ERC2: variants seen among roughly 807,000 people sequenced by gnomAD.
ERC2 encodes ELKS/RAB6-interacting/CAST family member 2, also known as ERC protein 2.
Under a neutral mutation model 114.8 loss-of-function variants are expected in ERC2, and 42 were observed. That is an observed-to-expected ratio of 0.37 (90% CI 0.29 to 0.47). The LOEUF is 0.47. Ranked by LOEUF, ERC2 falls within the 20% of genes least tolerant of loss-of-function variation. The pLI is 0.99. For missense variants in ERC2, 939 were observed against 1,150.7 expected (o/e 0.82, Z 2.66); for synonymous variants, 454 against 425.5 (o/e 1.07, Z -0.82).
chr3:55,539,415 C>CTTT lies in ERC2; in HGVS notation c.*40-28142_*40-28140dup, dbSNP rs58749389. Among the ~76,000 whole-genome samples the CTTT allele has an allele frequency of 4.7e-3, 183 of 39,100 alleles. 5 individuals carry two copies. The highest frequency in any genetic ancestry group is 7.2e-3 in the African/African-American group (83 of 11,528). 25.7% of individuals were successfully genotyped at this position (39,100 alleles called of 152,430 possible). On this transcript the variant is annotated intron_variant, in intron 17 of 17. Transcript: ENST00000288221. ...TCTCTCTCTCTCTCTTTTTTTCTTTCTTTTTTTTTTTTTTTTTTTTTTTTT... is the reference window on the plus strand; with the variant it reads ...TCTCTCTCTCTCTCTTTTTTTCTTTCTTTTTTTTTTTTTTTTTTTTTTTTTTTT...
chr3:55,562,334 G>T (rs1403146077), intron 17 of ERC2, among the ~76,000 whole-genome samples: 1 of 151,978 alleles, frequency 6.6e-6, no homozygotes, highest in African/African-American at 2.4e-5. Context: ...TGTATTTTTA[G>T]TAGAGACGGG....
At chr3:56,326,050 T>C (rs1331883526) in intron 2 of ERC2, among the ~76,000 whole-genome samples, 1 of 152,226 alleles carries the variant, frequency 6.6e-6, no homozygotes, top group Non-Finnish European at 1.5e-5. Flanking sequence ...CTCACTCTCC[T>C]TCTTCTAGCG....
chr3:56,350,516 G>A (rs2058510881), intron 2 of ERC2, among the ~76,000 whole-genome samples: 1 of 152,044 alleles, frequency 6.6e-6, no homozygotes, highest in South Asian at 2.1e-4. Flanking sequence ...GGAAATTCCA[G>A]TATGAAGACA....
At chr3:56,348,947 GGAAGGAAGGAAAGAAAGAAA>G in intron 2 of ERC2, among the ~76,000 whole-genome samples, 6 of 78,022 alleles carry the variant, frequency 7.7e-5, no homozygotes, top group East Asian at 6.1e-4. Context: ...AAGGAAGGAA[GGAAGGAAGGAAAGAAAGAAA>G]GAAGGAAAGA....
chr3:56,021,892 A>G (rs909649456), intron 7 of ERC2, among the ~76,000 whole-genome samples: 1 of 152,242 alleles, frequency 6.6e-6, no homozygotes, highest in Non-Finnish European at 1.5e-5. Context: ...TTCCCGCACA[A>G]GACATTATCT....
At chr3:56,091,352 G>A (rs1263704944) in intron 6 of ERC2, among the ~76,000 whole-genome samples, 1 of 152,212 alleles carries the variant, frequency 6.6e-6, no homozygotes, top group East Asian at 1.9e-4. Flanking sequence ...GAAAAACTCA[G>A]TAGATAGTGG....
At chr3:56,173,629 A>G (rs987976129) in intron 3 of ERC2, 109 bp from the exon 4 acceptor site, 2 of 939,898 alleles carry the variant, frequency 2.1e-6, no homozygotes, top group Non-Finnish European at 3.2e-6. Flanking sequence ...CCTTGCACAG[A>G]CATAAACAAG....
intron 3 of ERC2, among the ~76,000 whole-genome samples, chr3:56,211,817 A>T (rs9847090): frequency 0.5 from 76,030 of 151,924 alleles, 19,369 homozygotes; most frequent in East Asian, 0.73. Context: ...GGCCAACTGA[A>T]CTTTAACAAA....
intron 6 of ERC2, among the ~76,000 whole-genome samples, chr3:56,129,133 A>G (rs1383131622): frequency 6.6e-6 from 1 of 152,228 alleles, no homozygotes. Context: ...ATAAGACAAA[A>G]GGAGGAAAGT....
intron 15 of ERC2, among the ~76,000 whole-genome samples, chr3:55,725,148 G>A (rs1003812530): frequency 6.6e-6 from 1 of 152,142 alleles, no homozygotes; most frequent in African/African-American, 2.4e-5. Context: ...GCTGTGGGGT[G>A]CTTCAAGTTA....
chr3:56,404,517 C>T (rs961560952), intron 2 of ERC2, among the ~76,000 whole-genome samples: 2 of 152,038 alleles, frequency 1.3e-5, no homozygotes, highest in African/African-American at 4.8e-5. Context: ...TATATGATAA[C>T]ACAACAGGGT....
At chr3:55,854,411 G>A (rs868748483) in intron 14 of ERC2, among the ~76,000 whole-genome samples, 6 of 152,170 alleles carry the variant, frequency 3.9e-5, no homozygotes, top group Admixed American at 2.0e-4. Context: ...GTTTGGTTTG[G>A]TTTGACAATA....
At chr3:56,355,656 G>T (rs891546752) in intron 2 of ERC2, among the ~76,000 whole-genome samples, 8 of 152,054 alleles carry the variant, frequency 5.3e-5, no homozygotes, top group Non-Finnish European at 1.2e-4. Flanking sequence ...TATTCCAGAC[G>T]ATGAGTCAGA....
chr3:56,337,605 T>G (rs1269620709), intron 2 of ERC2, among the ~76,000 whole-genome samples: 2 of 152,234 alleles, frequency 1.3e-5, no homozygotes, highest in Non-Finnish European at 2.9e-5. Flanking sequence ...GTTCCCACAA[T>G]GCCACCAAAA....
intron 2 of ERC2, among the ~76,000 whole-genome samples, chr3:56,358,608 A>C (rs970844521): frequency 1.3e-5 from 2 of 152,244 alleles, no homozygotes; most frequent in African/African-American, 4.8e-5. Flanking sequence ...ACATCCAAAA[A>C]TGTGCAACAG....
intron 14 of ERC2, among the ~76,000 whole-genome samples, chr3:55,843,149 G>C (rs575170191): frequency 6.6e-6 from 1 of 152,218 alleles, no homozygotes; most frequent in African/African-American, 2.4e-5. Context: ...GAGCACAGCA[G>C]TGATATACAA....
At chr3:55,704,600 T>C (rs2063386648) in intron 15 of ERC2, among the ~76,000 whole-genome samples, 1 of 152,160 alleles carries the variant, frequency 6.6e-6, no homozygotes. Flanking sequence ...CAGACAAGAA[T>C]GGGATGGCTA....
At chr3:55,890,341 A>G (rs2063543926) in intron 13 of ERC2, among the ~76,000 whole-genome samples, 1 of 152,188 alleles carries the variant, frequency 6.6e-6, no homozygotes, top group Admixed American at 6.5e-5. Flanking sequence ...CTGACCCTCC[A>G]TATGAGATGG....
At chr3:55,691,573 A>AAAAT (rs1553631525) in intron 16 of ERC2, among the ~76,000 whole-genome samples, 15 of 39,740 alleles carry the variant, frequency 3.8e-4, no homozygotes, top group African/African-American at 7.4e-4. Flanking sequence ...AAAAAAAAAA[A>AAAAT]ATATATATAT....
Sources: allele counts gnomAD v4.1 joint callset (sites outside exome capture counted in the v4.1 genomes callset), GRCh38; gene constraint gnomAD v4.1.1; transcripts MANE v1.5; gene names NCBI Gene and HGNC (gene_info 2026-07-23, HGNC 2026-07-21).